DPP10: variants seen among roughly 807,000 people sequenced by gnomAD.
DPP10 encodes the protein inactive dipeptidyl peptidase 10.
In DPP10, 33 loss-of-function variants were observed where a neutral mutation model predicts 120.9. The observed-to-expected ratio is 0.27, with a 90% confidence interval of 0.21 to 0.37. The LOEUF (loss-of-function observed/expected upper bound fraction) is 0.37. Among genes scored for constraint, DPP10 ranks in the 10% least tolerant of loss-of-function variants. The pLI, the probability that DPP10 is intolerant of heterozygous loss-of-function variation, is 1.00. For missense variants in DPP10, 816 were observed against 942.8 expected (o/e 0.87, Z 1.76); for synonymous variants, 337 against 326.1 (o/e 1.03, Z -0.36).
chr2:115,791,821 T>C (rs1371000121), intron 19 of DPP10, among the ~76,000 whole-genome samples: 1 of 152,178 alleles, frequency 6.6e-6, no homozygotes, highest in Admixed American at 6.5e-5. Flanking sequence ...AAATTGACTT[T>C]GAAGTTAAAT....
chr2:115,617,197 C>G (rs1480767776), intron 5 of DPP10, among the ~76,000 whole-genome samples: 1 of 148,164 alleles, frequency 6.7e-6, no homozygotes, highest in Non-Finnish European at 1.5e-5. Context: ...AGGGTACATT[C>G]CAAGACCCCC....
chr2:114,890,382 A>G (rs995264671), intron 1 of DPP10, among the ~76,000 whole-genome samples: 5 of 152,222 alleles, frequency 3.3e-5, no homozygotes, highest in Non-Finnish European at 5.9e-5. Flanking sequence ...GAAATAAGGC[A>G]TAAAACTACC....
chr2:115,369,353 A>C (rs2065259767), intron 3 of DPP10, among the ~76,000 whole-genome samples: 1 of 152,144 alleles, frequency 6.6e-6, no homozygotes, highest in Non-Finnish European at 1.5e-5. Flanking sequence ...ATAATAAAAA[A>C]GGCATCTGCT....
intron 1 of DPP10, among the ~76,000 whole-genome samples, chr2:114,682,727 C>G (rs1454131136): frequency 6.6e-6 from 1 of 151,654 alleles, no homozygotes; most frequent in Non-Finnish European, 1.5e-5. Flanking sequence ...TGATACTATC[C>G]TCCCAGGTAA....
chr2:114,920,301 T>C (rs1199729409), intron 1 of DPP10, among the ~76,000 whole-genome samples: 1 of 152,152 alleles, frequency 6.6e-6, no homozygotes, highest in Non-Finnish European at 1.5e-5. Flanking sequence ...CCAGAACACA[T>C]GTTCTAAGGA....
intron 19 of DPP10, among the ~76,000 whole-genome samples, chr2:115,812,792 A>G (rs1686784643): frequency 6.6e-6 from 1 of 151,930 alleles, no homozygotes; most frequent in Non-Finnish European, 1.5e-5. Flanking sequence ...GTGTTTCTTT[A>G]TTTATAATAC....
At chr2:115,601,760 G>A (rs960096233) in intron 5 of DPP10, among the ~76,000 whole-genome samples, 13 of 151,962 alleles carry the variant, frequency 8.6e-5, no homozygotes, top group Non-Finnish European at 1.8e-4. Context: ...TGCAATCTCC[G>A]CCTCCCGGGT....
Position 114,505,381 on chromosome 2 carries a change from T to C in DPP10, c.60+62543T>C, listed in dbSNP as rs893394680. Among the ~76,000 whole-genome samples the C allele has an allele frequency of 2.0e-5, 3 of 152,038 alleles. No individual in the cohort carries two copies. The East Asian group carries it at 5.8e-4, about 29-fold the overall frequency. On this transcript the variant is annotated intron_variant, in intron 1 of 25. Coordinates refer to ENST00000410059, the MANE Select transcript of DPP10 (RefSeq NM_020868.6). ...TTGTTTGAACAGATTCATTTCAGCA[T>C]TGATTCCCAGTCTCTGGTGATTAGA...
chr2:115,366,538 T>C (rs970335910), intron 3 of DPP10, among the ~76,000 whole-genome samples: 2 of 152,126 alleles, frequency 1.3e-5, no homozygotes, highest in Non-Finnish European at 2.9e-5. Context: ...TTTAGAAAAA[T>C]ATCTAGTCTT....
chr2:115,429,961 C>A (rs1414078711), intron 3 of DPP10, among the ~76,000 whole-genome samples: 4 of 152,136 alleles, frequency 2.6e-5, no homozygotes, highest in Non-Finnish European at 5.9e-5. Context: ...AGTGGAAAGA[C>A]ACTTTTTATG....
At chr2:115,730,412 T>G (rs974324019) in intron 8 of DPP10, among the ~76,000 whole-genome samples, 4 of 152,044 alleles carry the variant, frequency 2.6e-5, no homozygotes, top group African/African-American at 9.7e-5. Flanking sequence ...CAAGGAGCAG[T>G]GGGTTTCAGG....
chr2:115,427,533 C>T (rs547740184), intron 3 of DPP10, among the ~76,000 whole-genome samples: 1 of 152,278 alleles, frequency 6.6e-6, no homozygotes, highest in African/African-American at 2.4e-5. Flanking sequence ...GGCCTCTGAG[C>T]AGTGACTGGA....
At chr2:114,455,725 A>ATTTATTTTTTTTTTTTTTTTT in intron 1 of DPP10, among the ~76,000 whole-genome samples, 1 of 67,632 alleles carries the variant, frequency 1.5e-5, no homozygotes. Flanking sequence ...CCACAAATTC[A>ATTTATTTTTTTTTTTTTTTTT]TTTGTTTTTT....
rs1335581215 is a variant in DPP10 at position 115,836,274 on chromosome 2, A to G, written c.2050+18A>G. 3.2e-6 allele frequency: 5 copies of G among 1,583,824 alleles called. No individual in the cohort carries two copies. The South Asian group carries it at 5.7e-5, about 18-fold the overall frequency. ...ATTGTATGGTGAGTACTTTCTACAGACTGACCTAGTATAATGTATTGATTT... is the reference window on the plus strand; with the variant it reads ...ATTGTATGGTGAGTACTTTCTACAGGCTGACCTAGTATAATGTATTGATTT... On this transcript the variant is annotated intron_variant, in intron 22 of 25. Coordinates refer to ENST00000410059, the MANE Select transcript of DPP10 (RefSeq NM_020868.6).
At chr2:115,713,499 G>C (rs1167345841) in intron 7 of DPP10, among the ~76,000 whole-genome samples, 1 of 152,206 alleles carries the variant, frequency 6.6e-6, no homozygotes, top group Non-Finnish European at 1.5e-5. Flanking sequence ...TACATGACAT[G>C]AAAGATTTAT....
At chr2:115,294,523 G>T (rs187241341) in intron 1 of DPP10, among the ~76,000 whole-genome samples, 1 of 151,084 alleles carries the variant, frequency 6.6e-6, no homozygotes, top group Non-Finnish European at 1.5e-5. Flanking sequence ...TTGCTTTTTG[G>T]GGGGAAGGGG....
At position 115,307,302 on chromosome 2, in the gene DPP10, G is replaced by C. The variant is rs567885508; in HGVS notation, c.61-1937G>C. Among the ~76,000 whole-genome samples, 14 of 152,132 alleles carry C rather than the reference G, an allele frequency of 9.2e-5. No individual in the cohort carries two copies. In the South Asian group the frequency reaches 2.3e-3, roughly 25 times the overall value. On this transcript the variant is annotated intron_variant, in intron 1 of 25. Coordinates refer to ENST00000410059, the MANE Select transcript of DPP10 (RefSeq NM_020868.6). ...CACAAACTGAAAAACACAGTCAAAA[G>C]TCATTTCTCAAATGGTTTGTCATGA...
chr2:115,286,540 T>TATATATATATATATATATAA (rs1559367032), intron 1 of DPP10, among the ~76,000 whole-genome samples: 9 of 107,336 alleles, frequency 8.4e-5, no homozygotes, highest in Non-Finnish European at 9.7e-5. Context: ...TATATATATA[T>TATATATATATATATATATAA]AAAATATATA....
At chr2:114,885,267 CAG>C (rs1212305259) in intron 1 of DPP10, among the ~76,000 whole-genome samples, 5 of 152,074 alleles carry the variant, frequency 3.3e-5, no homozygotes, top group Non-Finnish European at 5.9e-5. Flanking sequence ...ATGGGGGGGA[CAG>C]AGAGTGTGGA....
Sources: allele counts gnomAD v4.1 joint callset (sites outside exome capture counted in the v4.1 genomes callset), GRCh38; gene constraint gnomAD v4.1.1; transcripts MANE v1.5; gene names NCBI Gene and HGNC (gene_info 2026-07-23, HGNC 2026-07-21).